PDE4C: variants seen among roughly 807,000 people sequenced by gnomAD.
PDE4C encodes 3',5'-cyclic-AMP phosphodiesterase 4C.
In PDE4C, 50 loss-of-function variants were observed where a neutral mutation model predicts 63.9. The ratio of observed to expected loss-of-function variants is 0.78; its 90% CI spans 0.62 to 0.99. The LOEUF (loss-of-function observed/expected upper bound fraction) is 0.99, where lower values mean the gene tolerates loss of function less well. Ranked by LOEUF, PDE4C falls within the 50% of genes least tolerant of loss-of-function variation. PDE4C has a pLI of 0.00. For synonymous variants in PDE4C, 377 were observed against 385.1 expected, an observed-to-expected ratio of 0.98 and a Z score of 0.25; for missense variants, 777 against 899.1, an observed-to-expected ratio of 0.86 and a Z score of 1.74.
At chr19:18,253,576 A>AC in the PDE4C span, among the ~76,000 whole-genome samples, 2 of 151,136 alleles carry the variant, frequency 1.3e-5, no homozygotes, top group Admixed American at 1.3e-4. Flanking sequence ...ACACACACAC[A>AC]ATAGAATAGA....
At chr19:18,250,253 C>T, upstream of PDE4C, 1 of 399,066 alleles carries the variant, frequency 2.5e-6, no homozygotes, top group Non-Finnish European at 4.4e-6. Context: ...CTTGGGATAG[C>T]AGCTCCCCCA....
At chr19:18,232,410 CGTGT>C (rs1030548169) in intron 1 of PDE4C, among the ~76,000 whole-genome samples, 3 of 98,964 alleles carry the variant, frequency 3.0e-5, no homozygotes, top group African/African-American at 8.4e-5. Context: ...TGTGTGTGTG[CGTGT>C]GTGTGTGTAT....
At chr19:18,233,046 T>A in exon 1 of PDE4C, 1 of 1,563,686 alleles carries the variant, frequency 6.4e-7, no homozygotes, top group Non-Finnish European at 8.7e-7. Context: ...CTTGTCCGGA[T>A]CCGAATAGAA....
chr19:18,222,637 T>C (rs1476132222), intron 1 of PDE4C, among the ~76,000 whole-genome samples: 1 of 149,140 alleles, frequency 6.7e-6, no homozygotes, highest in Non-Finnish European at 1.5e-5. Context: ...TCTTTCTTTT[T>C]TTTTTTTCTT....
At chr19:18,249,399 C>T (rs957983552), upstream of PDE4C, among the ~76,000 whole-genome samples, 6 of 151,824 alleles carry the variant, frequency 4.0e-5, no homozygotes, top group African/African-American at 1.5e-4. Flanking sequence ...CTCAGCCTCC[C>T]TAATAGCTGG....
chr19:18,213,467 T>C, exon 13 of PDE4C: 1 of 1,612,890 alleles, frequency 6.2e-7, no homozygotes, highest in Non-Finnish European at 8.5e-7. Flanking sequence ...GGTTCATGTG[T>C]TTGGACATGT....
chr19:18,208,919 G>C (rs1160975700), downstream of PDE4C: 1 of 152,096 alleles, frequency 6.6e-6, no homozygotes, highest in Admixed American at 6.5e-5. Context: ...AAAATTGTGT[G>C]TTTTTGTTGC....
intron 1 of PDE4C, among the ~76,000 whole-genome samples, chr19:18,243,013 C>CG (rs1316856759): frequency 6.6e-6 from 1 of 151,996 alleles, no homozygotes; most frequent in African/African-American, 2.4e-5. Flanking sequence ...TGGACCAGAG[C>CG]GGGGCCTGTG....
At chr19:18,219,727 G>A (rs971756703) in intron 7 of PDE4C, 1 of 253,872 alleles carries the variant, frequency 3.9e-6, no homozygotes, top group African/African-American at 2.3e-5. Flanking sequence ...AGGAGGCTGA[G>A]GTGGGAGAAT....
chr19:18,232,892 G>A, intron 1 of PDE4C: 2 of 1,138,114 alleles, frequency 1.8e-6, no homozygotes, highest in Non-Finnish European at 2.3e-6. Context: ...CCCCACTCCC[G>A]CCAGGCCCCG....
At chr19:18,236,886 G>A (rs1968960869), upstream of PDE4C, 1 of 152,678 alleles carries the variant, frequency 6.5e-6, no homozygotes. Context: ...TCTTTTCTCT[G>A]TCCCTTAAGC....
Position 18,220,282 on chromosome 19 carries a change from G to C in PDE4C, c.650C>G (p.Ser217Cys), listed in dbSNP as rs1968398989. ...CTGGTTCCCGGAGCGGCTGGTTTCG[G>C]ACAGGTGGGTCAACTCCCGGTTCAG... Residue 217 changes from serine (S) to cysteine (C), a missense_variant, in exon 7 of 15, where the codon TCC (serine) becomes TGC (cysteine). By Grantham distance (112) the Ser-to-Cys change is moderately radical. This residue lies in a region of PDE4C where 28 missense variants were observed against 53.5 expected (regional missense o/e 0.52). Transcript: ENST00000262805. This position sits in a 1 kb window ranked among gnomAD's most constrained non-coding sequence, Gnocchi z 5.1. The C allele has an allele frequency of 3.1e-6, 5 of 1,614,004 alleles. No homozygotes were observed. Among genetic ancestry groups the C allele is most frequent in the Non-Finnish European group, 4.2e-6 (5 of 1,180,058 alleles).
exon 2 of PDE4C, chr19:18,222,277 G>T (rs745495140): frequency 6.2e-7 from 1 of 1,613,660 alleles, no homozygotes; most frequent in South Asian, 1.1e-5. Context: ...CTGGACTGAG[G>T]GTCCAGGGCC....
At chr19:18,252,143 C>A (rs1439677553), upstream of PDE4C, 1 of 398,640 alleles carries the variant, frequency 2.5e-6, no homozygotes, top group Non-Finnish European at 4.4e-6. Flanking sequence ...GGCTCCAGTG[C>A]GGGGTCAGGG....
chr19:18,229,574 C>T (rs1968808426), upstream of PDE4C, among the ~76,000 whole-genome samples: 1 of 96,306 alleles, frequency 1.0e-5, no homozygotes, highest in Non-Finnish European at 2.5e-5. Context: ...CTCAGTTTCC[C>T]TCATTTGAAT....
intron 12 of PDE4C, among the ~76,000 whole-genome samples, chr19:18,215,778 G>A (rs1217912845): frequency 6.6e-6 from 1 of 150,864 alleles, no homozygotes; most frequent in African/African-American, 2.4e-5. Flanking sequence ...CTCCCAAACT[G>A]TTGGGACTAC....
At chr19:18,226,213 TC>T in intron 1 of PDE4C, 56 bp downstream of exon 1, 1 of 1,426,770 alleles carries the variant, frequency 7.0e-7, no homozygotes, top group Non-Finnish European at 9.6e-7. Context: ...TCCCTGCCCT[TC>T]CCACCTCCAC....
chr19:18,253,512 C>T, the PDE4C span, among the ~76,000 whole-genome samples: 1 of 150,640 alleles, frequency 6.6e-6, no homozygotes, highest in African/African-American at 2.5e-5. Flanking sequence ...GATCATGCCA[C>T]TGAACTCCAG....
At chr19:18,221,360 T>C in intron 2 of PDE4C, 63 bp from the exon 3 acceptor site, 1 of 1,491,368 alleles carries the variant, frequency 6.7e-7, no homozygotes, top group South Asian at 1.2e-5. Flanking sequence ...ACCCACACCA[T>C]ATGCCCTCAA....
Sources: allele counts gnomAD v4.1 joint callset (sites outside exome capture counted in the v4.1 genomes callset), GRCh38; gene constraint gnomAD v4.1.1; regional missense constraint gnomAD v4.1.1; non-coding constraint Gnocchi (gnomAD v3.1); transcripts MANE v1.5; gene names NCBI Gene and HGNC (gene_info 2026-07-23, HGNC 2026-07-21).